Variants in INTS9 observed in about 807,000 individuals in gnomAD.
The protein encoded by INTS9 is integrator complex subunit 9, also known as protein related to CPSF subunits of 74 kDa.
A neutral mutation model predicts 79.7 loss-of-function variants in INTS9; 55 were observed. The ratio of observed to expected loss-of-function variants is 0.69; its 90% CI spans 0.56 to 0.86. The LOEUF (loss-of-function observed/expected upper bound fraction) is 0.86, where lower values mean the gene tolerates loss of function less well. Among genes scored for constraint, INTS9 ranks in the 40% least tolerant of loss-of-function variants. INTS9 has a pLI of 0.00. For synonymous variants in INTS9, 319 were observed against 325.2 expected, an observed-to-expected ratio of 0.98 and a Z score of 0.20; for missense variants, 721 against 831.5, an observed-to-expected ratio of 0.87 and a Z score of 1.64.
At chr8:28,863,563 G>A (rs887124333) in intron 1 of INTS9, among the ~76,000 whole-genome samples, 2 of 152,166 alleles carry the variant, frequency 1.3e-5, no homozygotes, top group Non-Finnish European at 2.9e-5. Context: ...ATCACCTGAG[G>A]TCAGGAGTTC....
intron 4 of INTS9, among the ~76,000 whole-genome samples, chr8:28,840,848 G>C (rs191721560): frequency 1.3e-5 from 2 of 149,844 alleles, no homozygotes; most frequent in Non-Finnish European, 3.0e-5. Context: ...GCTAAATGAC[G>C]AGTTAATGGG....
intron 1 of INTS9, among the ~76,000 whole-genome samples, chr8:28,870,123 T>C (rs1190052037): frequency 6.6e-6 from 1 of 151,990 alleles, no homozygotes; most frequent in Non-Finnish European, 1.5e-5. Context: ...TTATAGTTGA[T>C]GAAAAAAAGT....
intron 6 of INTS9, among the ~76,000 whole-genome samples, chr8:28,824,471 C>A (rs1432223996): frequency 2.0e-5 from 3 of 152,244 alleles, no homozygotes; most frequent in Non-Finnish European, 1.5e-5. Context: ...CCTCTGTCTT[C>A]TACATTTTGA....
At chr8:28,835,242 A>C in intron 6 of INTS9, 50 bp downstream of exon 6, 3 of 1,286,334 alleles carry the variant, frequency 2.3e-6, no homozygotes, top group South Asian at 1.3e-5. Flanking sequence ...ACTGCTTTGC[A>C]AAGCACCTGG....
intron 10 of INTS9, 98 bp downstream of exon 10, chr8:28,793,709 C>T (rs576821543): frequency 2.1e-5 from 24 of 1,116,962 alleles, no homozygotes; most frequent in East Asian, 1.0e-4. Flanking sequence ...GAAATTTCCA[C>T]AGTAATGTGA....
chr8:28,833,672 G>A (rs914089316), intron 6 of INTS9, among the ~76,000 whole-genome samples: 1 of 145,488 alleles, frequency 6.9e-6, no homozygotes. Context: ...AAAAGAAAAA[G>A]AAAAAGAAAA....
At chr8:28,836,639 T>C (rs1206614249) in intron 5 of INTS9, among the ~76,000 whole-genome samples, 2 of 152,222 alleles carry the variant, frequency 1.3e-5, no homozygotes, top group African/African-American at 4.8e-5. Context: ...GTCCTGGATG[T>C]AGCTTTCATA....
chr8:28,889,214 T>C (rs1207720307), intron 1 of INTS9, among the ~76,000 whole-genome samples: 2 of 152,188 alleles, frequency 1.3e-5, no homozygotes, highest in Non-Finnish European at 2.9e-5. Context: ...AACCAGGTGC[T>C]TGAGCTGTGT....
At chr8:28,784,331 A>G (rs1186507050) in intron 11 of INTS9, among the ~76,000 whole-genome samples, 1 of 152,268 alleles carries the variant, frequency 6.6e-6, no homozygotes, top group African/African-American at 2.4e-5. Context: ...CAAAGGAAGC[A>G]AAACAGACAT....
intron 1 of INTS9, among the ~76,000 whole-genome samples, chr8:28,878,362 G>C (rs1809503647): frequency 6.6e-6 from 1 of 152,052 alleles, no homozygotes; most frequent in African/African-American, 2.4e-5. Context: ...GCTCAGGCTG[G>C]AGTGCAGTGG....
chr8:28,879,900 G>C (rs1809605427), intron 1 of INTS9, among the ~76,000 whole-genome samples: 1 of 151,916 alleles, frequency 6.6e-6, no homozygotes, highest in African/African-American at 2.4e-5. Flanking sequence ...CCGAGGCCTG[G>C]AGGTAGTAAC....
chr8:28,775,806 C>T lies in INTS9; in HGVS notation c.1516G>A (p.Ala506Thr), dbSNP rs372201911. The T allele has an allele frequency of 3.1e-5, 50 of 1,613,612 alleles. No homozygotes were observed. In the African/African-American group the frequency reaches 4.1e-4, roughly 13 times the overall value. ...AMSYRRAEVLALPFKRRYEKI... is the reference protein window; with the variant it reads ...AMSYRRAEVLTLPFKRRYEKI... ...TCGTACCGACGTTTGAAGGGCAGGG[C>T]GAGAACCTCAGCCCGCCGATAGGAC... Residue 506 changes from alanine to threonine, a missense_variant, in exon 14 of 17, where the codon GCC becomes ACC. Physicochemically the swap from Ala to Thr is moderately conservative, Grantham distance 58. This residue lies in a region of INTS9 where 281 missense variants were observed against 300.8 expected (regional missense o/e 0.93). Transcript: ENST00000521022.
Position 28,783,142 on chromosome 8 carries a change from CAAAAAAAAA to C in INTS9, c.1099-2157_1099-2149del, listed in dbSNP as rs559306996. On this transcript the variant is annotated intron_variant, in intron 11 of 16. Transcript: ENST00000521022. ...CCTGGGCGACAGTGAGACTCCGTCT[CAAAAAAAAA>C]AAAAAAAAAAAAAAAAAAGAAGCAG... 1.2e-3 allele frequency among the ~76,000 whole-genome samples: 136 copies of C among 111,714 alleles called. 1 individual carries two copies. The highest frequency in any genetic ancestry group is 2.0e-3 in the Non-Finnish European group (116 of 58,750). The allele number at this position is 111,714 out of a possible 152,430, so 73.3% of individuals were successfully genotyped here.
At chr8:28,816,396 T>C (rs1211596699) in intron 6 of INTS9, among the ~76,000 whole-genome samples, 1 of 148,888 alleles carries the variant, frequency 6.7e-6, no homozygotes, top group African/African-American at 2.5e-5. Context: ...AGTGAGAATA[T>C]GCGGTGTTTG....
Position 28,837,651 on chromosome 8 carries a change from G to T in INTS9, c.387C>A (p.Thr129=). The part of the protein sequence containing the change: ...FTGTVYATEP[T]VQIGRLLMEE... ...AACCCTCTCACCTGCCGATCTGGACGGTGGGTTCCGTGGCATACACTGTGC... is the reference window on the plus strand; with the variant it reads ...AACCCTCTCACCTGCCGATCTGGACTGTGGGTTCCGTGGCATACACTGTGC... Residue 129 remains threonine (T), a synonymous_variant, in exon 5 of 17, where the codon ACC becomes ACA. Transcript: ENST00000521022. 1.2e-6 allele frequency: 2 copies of T among 1,613,142 alleles called. No individual in the cohort carries two copies. The highest frequency in any genetic ancestry group is 1.7e-6 in the Non-Finnish European group (2 of 1,179,900).
chr8:28,796,860 T>C (rs1007396226), intron 8 of INTS9: 19 of 502,636 alleles, frequency 3.8e-5, no homozygotes, highest in Non-Finnish European at 6.8e-5. Context: ...GAGGGAGCTT[T>C]ATAAGGGATG....
At chr8:28,845,614 G>A (rs1022029563) in intron 4 of INTS9, among the ~76,000 whole-genome samples, 2 of 152,214 alleles carry the variant, frequency 1.3e-5, no homozygotes, top group African/African-American at 4.8e-5. Flanking sequence ...GGCGTGACAC[G>A]TGGTCAACTG....
intron 1 of INTS9, 22 bp from the exon 2 acceptor site, chr8:28,859,585 T>C: frequency 3.7e-6 from 6 of 1,612,758 alleles, no homozygotes; most frequent in Non-Finnish European, 5.1e-6. Context: ...TAAATCACTT[T>C]GATCAGTAAT....
At chr8:28,807,608 A>T (rs1804882163) in intron 8 of INTS9, among the ~76,000 whole-genome samples, 1 of 152,244 alleles carries the variant, frequency 6.6e-6, no homozygotes, top group Admixed American at 6.5e-5. Context: ...TCACTACATT[A>T]ATGGTCTCAA....
Sources: allele counts gnomAD v4.1 joint callset (sites outside exome capture counted in the v4.1 genomes callset), GRCh38; gene constraint gnomAD v4.1.1; regional missense constraint gnomAD v4.1.1; transcripts MANE v1.5; gene names NCBI Gene and HGNC (gene_info 2026-07-23, HGNC 2026-07-21).